The following MRPS35 variants were observed in gnomAD, a reference collection of about 807,000 sequenced individuals.
MRPS35 encodes the protein small ribosomal subunit protein mS35.
In MRPS35, 29 loss-of-function variants were observed where a neutral mutation model predicts 32.7. The ratio of observed to expected loss-of-function variants is 0.89; its 90% CI spans 0.66 to 1.21. MRPS35 has a LOEUF of 1.21. Ranked by LOEUF, MRPS35 falls within the 50% of genes most tolerant of loss-of-function variation. MRPS35 has a pLI of 0.00. For missense variants in MRPS35, 373 were observed against 383.8 expected, an observed-to-expected ratio of 0.97 and a Z score of 0.23; for synonymous variants, 148 against 139.3, an observed-to-expected ratio of 1.06 and a Z score of -0.44.
intron 1 of MRPS35, among the ~76,000 whole-genome samples, chr12:27,714,320 G>A (rs1227893229): frequency 6.6e-6 from 1 of 151,928 alleles, no homozygotes; most frequent in Non-Finnish European, 1.5e-5. Context: ...AGGCACAGTG[G>A]CTCACACCTG....
intron 1 of MRPS35, among the ~76,000 whole-genome samples, chr12:27,713,373 C>T (rs2061835855): frequency 6.6e-6 from 1 of 152,156 alleles, no homozygotes; most frequent in Non-Finnish European, 1.5e-5. Context: ...TGACTCACCC[C>T]ACAATAGGCT....
intron 6 of MRPS35, among the ~76,000 whole-genome samples, chr12:27,736,321 GA>G: frequency 6.6e-6 from 1 of 152,190 alleles, no homozygotes; most frequent in East Asian, 1.9e-4. Flanking sequence ...TGTGGAGGCA[GA>G]AAAAGCTCAG....
intron 7 of MRPS35, among the ~76,000 whole-genome samples, chr12:27,743,304 G>A (rs1280411279): frequency 1.3e-5 from 2 of 151,890 alleles, no homozygotes; most frequent in Non-Finnish European, 2.9e-5. Flanking sequence ...AAGGCAGGTG[G>A]ATCACCTGAG....
intron 3 of MRPS35, among the ~76,000 whole-genome samples, chr12:27,717,861 T>TGAATAAGCTCATTG (rs1224718925): frequency 5.3e-5 from 8 of 152,222 alleles, no homozygotes; most frequent in Non-Finnish European, 8.8e-5. Flanking sequence ...ATAAGCTTAT[T>TGAATAAGCTCATTG]AACTGAGCTA....
chr12:27,726,336 C>A (rs572978786), intron 5 of MRPS35, among the ~76,000 whole-genome samples: 5 of 152,094 alleles, frequency 3.3e-5, no homozygotes, highest in East Asian at 3.9e-4. Context: ...TTTATCATTT[C>A]TTTTTATTGC....
rs373978933 is a variant in MRPS35 at position 27,719,891 on chromosome 12, G to A, written c.382+23G>A. ...AAGGTAAGTGGTTATTTTCTTATAT[G>A]AATTTTATATTGACTTTGAACATAA... is the stretch of plus-strand genomic sequence containing the variant. On this transcript the variant is annotated intron_variant, in intron 4 of 7. Coordinates refer to ENST00000081029, the MANE Select transcript of MRPS35 (RefSeq NM_021821.4). 3 of 1,489,374 alleles carry A rather than the reference G, an allele frequency of 2.0e-6. No individual in the cohort carries two copies. The African/African-American group carries it at 4.2e-5, about 21-fold the overall frequency. The allele number at this position is 1,489,374 out of a possible 1,614,324, so 92.3% of individuals were successfully genotyped here. A position where few individuals can be genotyped will look rare whatever the true frequency, so the allele number is the denominator to read the frequency against.
intron 7 of MRPS35, among the ~76,000 whole-genome samples, chr12:27,742,793 A>G (rs972277828): frequency 6.6e-6 from 1 of 152,054 alleles, no homozygotes; most frequent in African/African-American, 2.4e-5. Flanking sequence ...ACTTCTCACT[A>G]TTTTTGTTTC....
chr12:27,722,011 C>A, intron 4 of MRPS35, among the ~76,000 whole-genome samples: 1 of 152,104 alleles, frequency 6.6e-6, no homozygotes, highest in South Asian at 2.1e-4. Context: ...CAGAGTGAGA[C>A]CCTGTCGCAA....
intron 2 of MRPS35, 81 bp downstream of exon 2, chr12:27,714,901 G>C (rs1027637875): frequency 1.6e-6 from 2 of 1,256,996 alleles, no homozygotes; most frequent in Non-Finnish European, 2.3e-6. Context: ...AGGCAGAAGG[G>C]TGTTACCAGA....
chr12:27,712,923 T>C (rs1383032367), intron 1 of MRPS35, among the ~76,000 whole-genome samples: 2 of 152,208 alleles, frequency 1.3e-5, no homozygotes, highest in East Asian at 3.9e-4. Context: ...GAGGCTGAAG[T>C]GGGAGAATCA....
chr12:27,715,470 C>T (rs993904949), intron 2 of MRPS35, among the ~76,000 whole-genome samples: 4 of 152,142 alleles, frequency 2.6e-5, no homozygotes, highest in Admixed American at 6.5e-5. Context: ...GGCACCTGGC[C>T]GTATTCTAAC....
intron 6 of MRPS35, among the ~76,000 whole-genome samples, chr12:27,736,404 A>G (rs914203965): frequency 6.6e-6 from 1 of 152,162 alleles, no homozygotes; most frequent in Non-Finnish European, 1.5e-5. Context: ...TCTTTTTACT[A>G]TCTTCAGATA....
chr12:27,730,859 C>T (rs1206230675), intron 5 of MRPS35, among the ~76,000 whole-genome samples: 2 of 152,156 alleles, frequency 1.3e-5, no homozygotes, highest in Non-Finnish European at 2.9e-5. Context: ...ACTTCCTCCC[C>T]TCTTACCCAT....
chr12:27,722,998 T>A (rs1203572408), intron 4 of MRPS35, among the ~76,000 whole-genome samples: 1 of 152,230 alleles, frequency 6.6e-6, no homozygotes, highest in Non-Finnish European at 1.5e-5. Context: ...CACATCTGCC[T>A]GTGATTATGA....
At chr12:27,725,895 A>G (rs7954129) in intron 5 of MRPS35, among the ~76,000 whole-genome samples, 18,614 of 137,384 alleles carry the variant, frequency 0.14, 1,376 homozygotes, top group East Asian at 0.19. Context: ...AGTCTCTTCC[A>G]TCCGGGCTCA....
intron 7 of MRPS35, among the ~76,000 whole-genome samples, chr12:27,748,926 G>A (rs140028784): frequency 6.6e-6 from 1 of 152,258 alleles, no homozygotes; most frequent in East Asian, 1.9e-4. Context: ...AGGTGAGGTG[G>A]GAGAATCACT....
At chr12:27,732,768 GAATT>G (rs1405589517) in intron 5 of MRPS35, among the ~76,000 whole-genome samples, 1 of 151,944 alleles carries the variant, frequency 6.6e-6, no homozygotes, top group Admixed American at 6.6e-5. Flanking sequence ...AAAAATTCTG[GAATT>G]AAGTGTTCTT....
At chr12:27,752,261 C>T (rs1221275544) in intron 7 of MRPS35, among the ~76,000 whole-genome samples, 3 of 151,944 alleles carry the variant, frequency 2.0e-5, no homozygotes, top group South Asian at 2.1e-4. Flanking sequence ...TGCCAGTATT[C>T]GAGGCTCACC....
chr12:27,714,088 AAAAAAAG>A (rs1385016539), intron 1 of MRPS35, among the ~76,000 whole-genome samples: 2 of 151,772 alleles, frequency 1.3e-5, no homozygotes, highest in Admixed American at 6.6e-5. Context: ...AAAAAAAAAA[AAAAAAAG>A]AAAGAAAGAG....
Sources: gnomAD v4.1 joint callset for allele counts (sites outside exome capture counted in the v4.1 genomes callset) on GRCh38, gnomAD v4.1.1 for gene constraint, MANE v1.5 for transcripts, NCBI Gene and HGNC (gene_info 2026-07-23, HGNC 2026-07-21) for gene names.